The following FBXW2 variants were observed in gnomAD, a reference collection of about 807,000 sequenced individuals.
FBXW2 encodes the protein F-box and WD repeat domain containing 2, also known as F-box/WD repeat-containing protein 2.
Under a neutral mutation model 46.0 loss-of-function variants are expected in FBXW2, and 12 were observed. The ratio of observed to expected loss-of-function variants is 0.26; its 90% CI spans 0.17 to 0.42. FBXW2 has a LOEUF of 0.42. FBXW2 is among the 10% of genes least tolerant of loss of function. FBXW2 has a pLI of 1.00. For synonymous variants in FBXW2, 203 were observed against 209.6 expected (o/e 0.97, Z 0.27); for missense variants, 360 against 537.0 (o/e 0.67, Z 3.26).
At chr9:120,766,207 G>T (rs1422742444) in intron 7 of FBXW2, among the ~76,000 whole-genome samples, 1 of 152,206 alleles carries the variant, frequency 6.6e-6, no homozygotes, top group Non-Finnish European at 1.5e-5. Context: ...AAGGCTATCA[G>T]CTGAGATGGG....
chr9:120,757,128 TA>T lies in FBXW2; in HGVS notation c.*7430del, dbSNP rs2044141482. ...TTCAAGAGATACAAATAAGCACACA[TA>T]AAAATATGTCATTTTCTCTCTAGTC... On this transcript the variant is annotated 3_prime_UTR_variant, in exon 8 of 8. Coordinates refer to ENST00000608872, the MANE Select transcript of FBXW2 (RefSeq NM_012164.4). 1 of 149,910 alleles carries T rather than the reference TA, an allele frequency of 6.7e-6. No individual in the cohort carries two copies. Among genetic ancestry groups the T allele is most frequent in the Non-Finnish European group, 1.5e-5 (1 of 67,548 alleles). 9.3% of individuals were successfully genotyped at this position (149,910 alleles called of 1,614,324 possible).
rs867979258 is a variant in FBXW2 at position 120,781,645 on chromosome 9, C to T, written c.491-3100G>A. Reference sequence around the variant, plus strand: ...TATATTTTATATACATACACACACACACACACACACACACACACACACACA... The same window carrying T: ...TATATTTTATATACATACACACACATACACACACACACACACACACACACA... On this transcript the variant is annotated intron_variant, in intron 3 of 7. Coordinates refer to ENST00000608872, the MANE Select transcript of FBXW2 (RefSeq NM_012164.4). Among the ~76,000 whole-genome samples the T allele has an allele frequency of 7.3e-3, 1,068 of 146,876 alleles. 19 individuals carry two copies. The highest frequency in any genetic ancestry group is 0.026 in the African/African-American group (965 of 37,078).
intron 7 of FBXW2, among the ~76,000 whole-genome samples, chr9:120,769,124 C>T (rs575921782): frequency 6.6e-6 from 1 of 152,304 alleles, no homozygotes; most frequent in African/African-American, 2.4e-5. Context: ...TAACCTAACT[C>T]AAGCAATCAC....
Position 120,771,338 on chromosome 9 carries a change from G to C in FBXW2, c.1076+10C>G. On this transcript the variant is annotated intron_variant, in intron 7 of 7. Coordinates refer to ENST00000608872, the MANE Select transcript of FBXW2 (RefSeq NM_012164.4). ...TCAAAGGTAAAGCGTGAGGTCGAAG[G>C]AAACATTACCTGAGAATATCATAAC... The C allele has an allele frequency of 6.2e-7, 1 of 1,604,282 alleles. No individual in the cohort carries two copies. Among genetic ancestry groups the C allele is most frequent in the South Asian group, 1.1e-5 (1 of 89,598 alleles).
intron 2 of FBXW2, among the ~76,000 whole-genome samples, chr9:120,791,579 TTAC>T (rs1437882196): frequency 2.0e-5 from 3 of 152,186 alleles, no homozygotes; most frequent in Non-Finnish European, 4.4e-5. Flanking sequence ...TTTGTTAGTT[TTAC>T]TACTATGAAC....
intron 7 of FBXW2, among the ~76,000 whole-genome samples, chr9:120,766,726 C>G (rs969359285): frequency 6.6e-6 from 1 of 152,228 alleles, no homozygotes; most frequent in African/African-American, 2.4e-5. Flanking sequence ...TCCCAAAGTG[C>G]TGGGATTACA....
Position 120,764,665 on chromosome 9 carries a change from G to A in FBXW2, c.1259C>T (p.Ala420Val). 6.2e-7 allele frequency: 1 copy of A among 1,614,218 alleles called. No homozygotes were observed. Among genetic ancestry groups the A allele is most frequent in the Non-Finnish European group, 8.5e-7 (1 of 1,180,034 alleles). The change falls in exon 8 of 8, where the codon GCA (alanine) becomes GTA (valine). Residue 420 changes from alanine (A) to valine (V), a missense_variant. Ala to Val is a moderately conservative substitution (Grantham distance 64). Transcript: ENST00000608872. ...KRGSSFLAGEASWLNGLDGHN... is the reference protein window; with the variant it reads ...KRGSSFLAGEVSWLNGLDGHN... ...CCCATCCAGTCCATTCAGCCAGGAT[G>A]CTTCGCCTGCCAGGAAGCTTGAGCC... is the stretch of plus-strand genomic sequence containing the variant.
chr9:120,765,642 A>C (rs1047736165), intron 7 of FBXW2, among the ~76,000 whole-genome samples: 1 of 152,362 alleles, frequency 6.6e-6, no homozygotes, highest in East Asian at 1.9e-4. Flanking sequence ...AGCCCAGAAG[A>C]AACCTGAAAG....
chr9:120,769,088 C>T (rs1183532457), intron 7 of FBXW2, among the ~76,000 whole-genome samples: 1 of 152,226 alleles, frequency 6.6e-6, no homozygotes, highest in Non-Finnish European at 1.5e-5. Flanking sequence ...GTCCTTGAAC[C>T]TAAGTAACCT....
At chr9:120,792,765 A>C (rs1044777485) in intron 2 of FBXW2, 10 of 743,420 alleles carry the variant, frequency 1.3e-5, no homozygotes, top group Non-Finnish European at 2.0e-5. Context: ...AGACAGTGCA[A>C]GTAAAGCGTT....
chr9:120,773,060 G>A (rs1407560912), intron 5 of FBXW2, among the ~76,000 whole-genome samples: 2 of 152,030 alleles, frequency 1.3e-5, no homozygotes, highest in East Asian at 1.9e-4. Flanking sequence ...GGTGGGTCAC[G>A]CCTATAATCC....
rs2044214306 is a variant in FBXW2, at chr9:120,762,658, A to T, written c.*1901T>A. 6.6e-6 allele frequency: 1 copy of T among 152,238 alleles called. No homozygotes were observed. The highest frequency in any genetic ancestry group is 1.5e-5 in the Non-Finnish European group (1 of 68,046). 9.4% of individuals were successfully genotyped at this position (152,238 alleles called of 1,614,324 possible). A position where few individuals can be genotyped will look rare whatever the true frequency, so the allele number is the denominator to read the frequency against. On this transcript the variant is annotated 3_prime_UTR_variant, in exon 8 of 8. Transcript: ENST00000608872. ...AGAGTCTGGCTCTATGCTAATGCAG[A>T]TTCTGCAAGAGATAGGTCCCCACTC... is the stretch of plus-strand genomic sequence containing the variant.
chr9:120,788,739 A>G (rs2044772321), intron 2 of FBXW2, among the ~76,000 whole-genome samples: 1 of 152,234 alleles, frequency 6.6e-6, no homozygotes. Context: ...TGACAATCAG[A>G]AACAGTCTCC....
At chr9:120,771,739 T>C (rs1310804612) in intron 6 of FBXW2, among the ~76,000 whole-genome samples, 10 of 152,158 alleles carry the variant, frequency 6.6e-5, no homozygotes, top group Non-Finnish European at 1.3e-4. Flanking sequence ...ATGAAGATAA[T>C]GCCTATCACA....
intron 3 of FBXW2, among the ~76,000 whole-genome samples, chr9:120,781,901 TA>T (rs2044622391): frequency 6.6e-6 from 1 of 151,274 alleles, no homozygotes; most frequent in Non-Finnish European, 1.5e-5. Context: ...CGCACGCCTG[TA>T]ATCCCAGCTA....
intron 7 of FBXW2, among the ~76,000 whole-genome samples, chr9:120,769,387 A>G (rs2044330617): frequency 1.3e-5 from 2 of 152,206 alleles, no homozygotes; most frequent in Admixed American, 1.3e-4. Context: ...ATTTAAAACT[A>G]TTATTCAAAC....
At chr9:120,783,303 G>A (rs2044655301) in intron 3 of FBXW2, among the ~76,000 whole-genome samples, 1 of 151,922 alleles carries the variant, frequency 6.6e-6, no homozygotes, top group African/African-American at 2.4e-5. Flanking sequence ...CCTCCCCTCT[G>A]GACTCCCATT....
rs2044235535 is a variant in FBXW2 at position 120,764,251 on chromosome 9, T to C, written c.*308A>G. On this transcript the variant is annotated 3_prime_UTR_variant, in exon 8 of 8. Coordinates refer to ENST00000608872, the MANE Select transcript of FBXW2 (RefSeq NM_012164.4). ...AGATTAATGGATCATTTAACTTTCT[T>C]TACTTAAAACCAATACTCCACTCAA... The C allele has an allele frequency of 9.8e-6, 4 of 406,788 alleles. No homozygotes were observed. Among genetic ancestry groups the C allele is most frequent in the Non-Finnish European group, 1.7e-5 (4 of 230,904 alleles). 25.2% of individuals were successfully genotyped at this position (406,788 alleles called of 1,614,324 possible). A position where few individuals can be genotyped will look rare whatever the true frequency, so the allele number is the denominator to read the frequency against.
chr9:120,776,292 A>G, intron 4 of FBXW2, 66 bp from the exon 5 acceptor site: 2 of 1,521,100 alleles, frequency 1.3e-6, no homozygotes, highest in Non-Finnish European at 1.8e-6. Flanking sequence ...AATAGAGTTC[A>G]ATAATGTTTA....
Sources: gnomAD v4.1 joint callset for allele counts (sites outside exome capture counted in the v4.1 genomes callset) on GRCh38, gnomAD v4.1.1 for gene constraint, MANE v1.5 for transcripts, NCBI Gene and HGNC (gene_info 2026-07-23, HGNC 2026-07-21) for gene names.